PLXDC2: variants seen among roughly 807,000 people sequenced by gnomAD.
PLXDC2 encodes plexin domain containing 2.
A neutral mutation model predicts 68.9 loss-of-function variants in PLXDC2; 40 were observed. That is an observed-to-expected ratio of 0.58 (90% CI 0.45 to 0.76). The LOEUF (loss-of-function observed/expected upper bound fraction) is 0.76. PLXDC2 is among the 30% of genes least tolerant of loss of function. The pLI is 0.00. For missense variants in PLXDC2, 644 were observed against 661.9 expected (o/e 0.97, Z 0.30); for synonymous variants, 243 against 234.2 (o/e 1.04, Z -0.34).
intron 4 of PLXDC2, among the ~76,000 whole-genome samples, chr10:20,074,982 A>G (rs995377355): frequency 2.0e-5 from 3 of 152,166 alleles, no homozygotes; most frequent in Non-Finnish European, 2.9e-5. Context: ...ACTTGCTTCA[A>G]TGATTTAAAG....
chr10:20,271,132 G>GGCACACACACATAC (rs1554780227), intron 13 of PLXDC2, among the ~76,000 whole-genome samples: 2 of 97,750 alleles, frequency 2.0e-5, no homozygotes, highest in African/African-American at 6.6e-5. Flanking sequence ...ACAAAAAACA[G>GGCACACACACATAC]ACACACACAC....
rs186175668 is a variant in PLXDC2 at position 19,841,714 on chromosome 10, G to A, written c.112+24523G>A. Among the ~76,000 whole-genome samples, 511 of 152,092 alleles carry A rather than the reference G, an allele frequency of 3.4e-3. 6 individuals are homozygous for A. The highest frequency in any genetic ancestry group is 0.026 in the South Asian group (125 of 4,810). ...ATTCGTGACTTTGAGGATTAAATTA[G>A]TTAATTCAGGTAAAGTGACTAACAG... is the stretch of plus-strand genomic sequence containing the variant. On this transcript the variant is annotated intron_variant, in intron 1 of 13. Coordinates refer to ENST00000377252, the MANE Select transcript of PLXDC2 (RefSeq NM_032812.9).
intron 1 of PLXDC2, among the ~76,000 whole-genome samples, chr10:19,977,137 G>A (rs887307295): frequency 1.3e-5 from 2 of 152,076 alleles, no homozygotes. Flanking sequence ...TGAAGTCCTT[G>A]GCTGTTTGCT....
intron 12 of PLXDC2, among the ~76,000 whole-genome samples, chr10:20,222,818 T>C (rs1835230727): frequency 6.6e-6 from 1 of 151,956 alleles, no homozygotes; most frequent in African/African-American, 2.4e-5. Context: ...CAAGACCCTG[T>C]CCTTAAAAAA....
At chr10:20,106,201 A>C (rs1833489529) in intron 4 of PLXDC2, among the ~76,000 whole-genome samples, 1 of 152,174 alleles carries the variant, frequency 6.6e-6, no homozygotes, top group South Asian at 2.1e-4. Context: ...AAGAATCTCC[A>C]CTTAGACATA....
At chr10:20,255,350 A>C (rs141726995) in intron 13 of PLXDC2, among the ~76,000 whole-genome samples, 4 of 152,168 alleles carry the variant, frequency 2.6e-5, no homozygotes, top group Non-Finnish European at 5.9e-5. Flanking sequence ...TTAAGGACAT[A>C]TGTCTTAAGT....
chr10:20,212,005 A>T (rs1275844938), intron 10 of PLXDC2, among the ~76,000 whole-genome samples: 2 of 151,958 alleles, frequency 1.3e-5, no homozygotes, highest in African/African-American at 4.8e-5. Flanking sequence ...ATCTCATTTC[A>T]TTGTCATATT....
intron 13 of PLXDC2, among the ~76,000 whole-genome samples, chr10:20,245,782 G>T (rs1835586272): frequency 6.6e-6 from 1 of 152,060 alleles, no homozygotes; most frequent in Non-Finnish European, 1.5e-5. Flanking sequence ...CATAGTTTTT[G>T]GTCCTTTTAT....
intron 12 of PLXDC2, among the ~76,000 whole-genome samples, chr10:20,231,798 T>C (rs1474018841): frequency 1.3e-5 from 2 of 152,022 alleles, no homozygotes; most frequent in African/African-American, 2.4e-5. Context: ...GGAGGAGCAC[T>C]TGAGCCCAGG....
chr10:20,274,777 T>C (rs900824265), intron 13 of PLXDC2, among the ~76,000 whole-genome samples: 1 of 151,894 alleles, frequency 6.6e-6, no homozygotes, highest in Non-Finnish European at 1.5e-5. Flanking sequence ...ATTAGATTGC[T>C]GGTTTCCCTG....
At chr10:19,824,631 G>C (rs1056626144) in intron 1 of PLXDC2, among the ~76,000 whole-genome samples, 1 of 152,170 alleles carries the variant, frequency 6.6e-6, no homozygotes, top group Admixed American at 6.5e-5. Flanking sequence ...CAATGATTCT[G>C]TTAAGCTGAG....
At chr10:19,980,191 T>A (rs1371656172) in intron 1 of PLXDC2, among the ~76,000 whole-genome samples, 1 of 152,216 alleles carries the variant, frequency 6.6e-6, no homozygotes, top group African/African-American at 2.4e-5. Context: ...CTTGTTTGTT[T>A]GACATTTCTT....
intron 1 of PLXDC2, among the ~76,000 whole-genome samples, chr10:19,863,060 G>T (rs1308933387): frequency 3.9e-5 from 6 of 152,180 alleles, no homozygotes; most frequent in African/African-American, 1.4e-4. Context: ...ATTATTTTTA[G>T]AGGGTAAGAG....
At chr10:20,226,371 C>T (rs924585281) in intron 12 of PLXDC2, among the ~76,000 whole-genome samples, 6 of 152,136 alleles carry the variant, frequency 3.9e-5, no homozygotes, top group African/African-American at 1.2e-4. Context: ...CTTCTTTTTC[C>T]AGTGTGGCCC....
intron 1 of PLXDC2, among the ~76,000 whole-genome samples, chr10:19,845,433 G>C (rs1476096498): frequency 6.6e-6 from 1 of 152,140 alleles, no homozygotes; most frequent in Non-Finnish European, 1.5e-5. Context: ...CTCTTCTTCT[G>C]AGTGTTAATG....
At chr10:19,897,092 CTCTTT>C (rs1251352964) in intron 1 of PLXDC2, among the ~76,000 whole-genome samples, 1 of 152,200 alleles carries the variant, frequency 6.6e-6, no homozygotes, top group Non-Finnish European at 1.5e-5. Context: ...GAGTTTTACA[CTCTTT>C]TCTTATCAGC....
intron 4 of PLXDC2, among the ~76,000 whole-genome samples, chr10:20,090,134 T>C (rs2131729647): frequency 6.6e-6 from 1 of 152,304 alleles, no homozygotes; most frequent in Admixed American, 6.5e-5. Flanking sequence ...AGCCCACAGA[T>C]GTTCATGGTG....
chr10:20,145,059 C>T (rs1834054571), intron 5 of PLXDC2, among the ~76,000 whole-genome samples: 1 of 152,118 alleles, frequency 6.6e-6, no homozygotes, highest in African/African-American at 2.4e-5. Flanking sequence ...CAGTACCCTG[C>T]ATAGACACTT....
chr10:20,148,596 G>GT (rs1305842651), intron 6 of PLXDC2, among the ~76,000 whole-genome samples: 1 of 152,136 alleles, frequency 6.6e-6, no homozygotes, highest in Non-Finnish European at 1.5e-5. Flanking sequence ...TTCTGACAAA[G>GT]TAAGTAAGGC....
Sources: gnomAD v4.1 joint callset for allele counts (sites outside exome capture counted in the v4.1 genomes callset) on GRCh38, gnomAD v4.1.1 for gene constraint, MANE v1.5 for transcripts, NCBI Gene and HGNC (gene_info 2026-07-23, HGNC 2026-07-21) for gene names.